BCKDHB: variants seen among roughly 807,000 people sequenced by gnomAD.
BCKDHB encodes the protein 2-oxoisovalerate dehydrogenase subunit beta, mitochondrial.
A neutral mutation model predicts 48.5 loss-of-function variants in BCKDHB; 41 were observed. The observed-to-expected ratio is 0.85, with a 90% CI of 0.66 to 1.10. The LOEUF (loss-of-function observed/expected upper bound fraction) is 1.10, where lower values mean the gene tolerates loss of function less well. BCKDHB is among the 50% of genes least tolerant of loss of function. BCKDHB has a pLI of 0.00. For synonymous variants in BCKDHB, 201 were observed against 174.8 expected (o/e 1.15, Z -1.18); for missense variants, 496 against 494.2 (o/e 1.00, Z -0.03).
chr6:80,432,335 G>A, the BCKDHB span, among the ~76,000 whole-genome samples: 22 of 152,058 alleles, frequency 1.4e-4, no homozygotes, highest in African/African-American at 4.8e-4. Flanking sequence ...TGTAGATTTG[G>A]TCTTTTCACA....
the BCKDHB span, among the ~76,000 whole-genome samples, chr6:80,363,269 C>A: frequency 6.6e-6 from 1 of 152,110 alleles, no homozygotes; most frequent in East Asian, 1.9e-4. Flanking sequence ...GCTATTCTAC[C>A]TTTTCAACGT....
the BCKDHB span, among the ~76,000 whole-genome samples, chr6:80,430,736 GTCTA>G: frequency 3.3e-5 from 5 of 152,070 alleles, no homozygotes; most frequent in African/African-American, 9.7e-5. Flanking sequence ...CTCGCTAGCA[GTCTA>G]TCTATTTTGT....
In BCKDHB at chr6:80,142,351, A is replaced by G. The variant is rs145914042; in HGVS notation, c.343+13122A>G. ...CTAATATGAGTTATAAATACTGTCTATCTATTATTGCTCAGGTTGAATGTC... is the reference window on the plus strand; with the variant it reads ...CTAATATGAGTTATAAATACTGTCTGTCTATTATTGCTCAGGTTGAATGTC... On this transcript the variant is annotated intron_variant, in intron 3 of 9. Coordinates refer to ENST00000320393, the MANE Select transcript of BCKDHB (RefSeq NM_183050.4). Among the ~76,000 whole-genome samples, 5 of 152,222 alleles carry G rather than the reference A, an allele frequency of 3.3e-5. No individual in the cohort carries two copies. The East Asian group carries it at 5.8e-4, about 18-fold the overall frequency.
chr6:80,158,874 T>C (rs1418832164), intron 3 of BCKDHB, among the ~76,000 whole-genome samples: 1 of 152,232 alleles, frequency 6.6e-6, no homozygotes, highest in East Asian at 1.9e-4. Context: ...CTGGGCTTCA[T>C]GCATCATAGT....
the BCKDHB span, among the ~76,000 whole-genome samples, chr6:80,409,846 C>T: frequency 6.6e-6 from 1 of 151,642 alleles, no homozygotes; most frequent in Non-Finnish European, 1.5e-5. Flanking sequence ...CTCCTGAATA[C>T]AGCACTCTGA....
the BCKDHB span, among the ~76,000 whole-genome samples, chr6:80,403,394 G>A: frequency 6.6e-6 from 1 of 151,788 alleles, no homozygotes; most frequent in Non-Finnish European, 1.5e-5. Context: ...TAGTTCATTA[G>A]CATATAGAAT....
In BCKDHB at chr6:80,206,305, G is replaced by T. The variant is rs113314676; in HGVS notation, c.951+3093G>T. Among the ~76,000 whole-genome samples the T allele has an allele frequency of 8.2e-3, 1,254 of 152,124 alleles. 7 individuals are homozygous for T. The highest frequency in any genetic ancestry group is 0.018 in the South Asian group (85 of 4,820). ...TCTATCTGCGCAGCAGAGCCAAGGA[G>T]TCAATCCTCTCATTATCTGGAACTT... On this transcript the variant is annotated intron_variant, in intron 8 of 9. Coordinates refer to ENST00000320393, the MANE Select transcript of BCKDHB (RefSeq NM_183050.4).
At chr6:80,412,907 A>G in the BCKDHB span, among the ~76,000 whole-genome samples, 5 of 152,286 alleles carry the variant, frequency 3.3e-5, no homozygotes, top group African/African-American at 7.2e-5. Context: ...AATGTGGCAA[A>G]TAGCTTTTTA....
At chr6:80,464,253 G>A in the BCKDHB span, among the ~76,000 whole-genome samples, 1 of 151,948 alleles carries the variant, frequency 6.6e-6, no homozygotes, top group Non-Finnish European at 1.5e-5. Context: ...TCGGCCTCCT[G>A]AGTACTGGGA....
intron 9 of BCKDHB, among the ~76,000 whole-genome samples, chr6:80,308,413 C>T (rs954784741): frequency 1.3e-5 from 2 of 152,086 alleles, no homozygotes; most frequent in East Asian, 3.8e-4. Context: ...AGCAAAAATA[C>T]CCCTAAACAT....
chr6:80,437,921 ATCCC>A, the BCKDHB span, among the ~76,000 whole-genome samples: 1 of 152,200 alleles, frequency 6.6e-6, no homozygotes, highest in Non-Finnish European at 1.5e-5. Flanking sequence ...TATGCTGCAA[ATCCC>A]CTTTTCCTTG....
rs545378407 is a variant in BCKDHB, at chr6:80,188,913, G to A, written c.743-12021G>A. ...GTGGATAGAAACAGTTGCTGGGTCT[G>A]TGGTCATATGAGGGCCACTGTGGTA... is the stretch of plus-strand genomic sequence containing the variant. On this transcript the variant is annotated intron_variant, in intron 6 of 9. Transcript: ENST00000320393. Among the ~76,000 whole-genome samples, 4 of 152,334 alleles carry A rather than the reference G, an allele frequency of 2.6e-5. No individual in the cohort carries two copies. In the East Asian group the frequency reaches 7.7e-4, roughly 29 times the overall value.
chr6:80,457,147 C>T, the BCKDHB span, among the ~76,000 whole-genome samples: 10 of 152,100 alleles, frequency 6.6e-5, no homozygotes, highest in Non-Finnish European at 1.2e-4. Flanking sequence ...TTTTAAATTA[C>T]ATAAGAAAAT....
chr6:80,170,595 A>G (rs1200095570), intron 5 of BCKDHB, among the ~76,000 whole-genome samples: 2 of 152,166 alleles, frequency 1.3e-5, no homozygotes, highest in African/African-American at 4.8e-5. Flanking sequence ...TGGGGTTGCT[A>G]TGAACAGATG....
downstream of BCKDHB, among the ~76,000 whole-genome samples, chr6:80,350,006 C>A (rs9352827): frequency 0.21 from 31,146 of 151,684 alleles, 3,656 homozygotes; most frequent in South Asian, 0.37. Context: ...GTTAAAACTA[C>A]TGATCATGAA....
intron 8 of BCKDHB, among the ~76,000 whole-genome samples, chr6:80,263,560 C>T (rs1020707945): frequency 5.9e-5 from 9 of 152,218 alleles, no homozygotes; most frequent in Middle Eastern, 3.4e-3. Flanking sequence ...GTATTATGAA[C>T]TACACATAAT....
intron 9 of BCKDHB, among the ~76,000 whole-genome samples, chr6:80,292,133 G>T (rs1414096329): frequency 2.6e-5 from 4 of 152,126 alleles, no homozygotes; most frequent in Non-Finnish European, 4.4e-5. Context: ...CCCTGTACAG[G>T]AACTGTGTAG....
the BCKDHB span, among the ~76,000 whole-genome samples, chr6:80,435,199 A>G: frequency 1.3e-5 from 2 of 152,198 alleles, no homozygotes; most frequent in African/African-American, 4.8e-5. Flanking sequence ...TCTTAAAACA[A>G]TTACGTCACA....
chr6:80,211,293 A>G (rs562514873), intron 8 of BCKDHB, among the ~76,000 whole-genome samples: 34 of 152,320 alleles, frequency 2.2e-4, no homozygotes, highest in Non-Finnish European at 4.0e-4. Context: ...TTGCCTTTAT[A>G]CCGTACAGTC....
Sources: allele counts gnomAD v4.1 joint callset (sites outside exome capture counted in the v4.1 genomes callset), GRCh38; gene constraint gnomAD v4.1.1; transcripts MANE v1.5; gene names NCBI Gene and HGNC (gene_info 2026-07-23, HGNC 2026-07-21).